Variants in NUMB observed in about 807,000 individuals in gnomAD.
The protein encoded by NUMB is NUMB endocytic adaptor protein.
Under a neutral mutation model 59.7 loss-of-function variants are expected in NUMB, and 29 were observed. The ratio of observed to expected loss-of-function variants is 0.49; its 90% confidence interval spans 0.36 to 0.66. The LOEUF is 0.66. Ranked by LOEUF, NUMB falls within the 30% of genes least tolerant of loss-of-function variation. The pLI is 0.00. For synonymous variants in NUMB, 288 were observed against 288.2 expected, an observed-to-expected ratio of 1.00 and a Z score of 0.01; for missense variants, 723 against 822.0, an observed-to-expected ratio of 0.88 and a Z score of 1.47.
chr14:73,388,692 G>A (rs1454982972), intron 2 of NUMB, among the ~76,000 whole-genome samples: 4 of 152,184 alleles, frequency 2.6e-5, no homozygotes, highest in African/African-American at 9.7e-5. Context: ...GCTGAGTGCG[G>A]TAGCTCACGC....
intron 4 of NUMB, among the ~76,000 whole-genome samples, chr14:73,333,603 A>C (rs1361895181): frequency 6.6e-6 from 1 of 151,900 alleles, no homozygotes; most frequent in Non-Finnish European, 1.5e-5. Context: ...TTGAGATATA[A>C]AGGTTCTTTA....
chr14:73,382,244 T>C (rs956827587), intron 2 of NUMB, among the ~76,000 whole-genome samples: 1 of 152,190 alleles, frequency 6.6e-6, no homozygotes, highest in African/African-American at 2.4e-5. Context: ...CCTCCTGGGT[T>C]CGAGTGATTC....
Position 73,350,156 on chromosome 14 carries a change from A to G in NUMB, c.126+5470T>C, listed in dbSNP as rs571616153. On this transcript the variant is annotated intron_variant, in intron 4 of 12. Coordinates refer to ENST00000555238, the MANE Select transcript of NUMB (RefSeq NM_001005743.2). ...AATGATCATCATCTCTGCTCAGGGC[A>G]ATATGAAACTAGGTGTCTTTTTTTT... Among the ~76,000 whole-genome samples the G allele has an allele frequency of 4.0e-5, 6 of 151,112 alleles. No homozygotes were observed. In the South Asian group the frequency reaches 1.3e-3, roughly 32 times the overall value.
chr14:73,327,263 T>C (rs1006149711), intron 4 of NUMB, among the ~76,000 whole-genome samples: 6 of 152,214 alleles, frequency 3.9e-5, no homozygotes, highest in Non-Finnish European at 7.3e-5. Context: ...AAGAGAATTA[T>C]TATTATTTTT....
chr14:73,358,306 T>A (rs921248474), intron 3 of NUMB, among the ~76,000 whole-genome samples: 1 of 152,148 alleles, frequency 6.6e-6, no homozygotes, highest in Non-Finnish European at 1.5e-5. Context: ...TGACCATGTA[T>A]CCACTCTGTT....
intron 2 of NUMB, among the ~76,000 whole-genome samples, chr14:73,394,193 G>C (rs765990683): frequency 6.6e-6 from 1 of 152,140 alleles, no homozygotes; most frequent in African/African-American, 2.4e-5. Flanking sequence ...GACCTCAGGT[G>C]ATCAACCCAC....
intron 3 of NUMB, among the ~76,000 whole-genome samples, chr14:73,359,400 T>C (rs1049826065): frequency 6.6e-6 from 1 of 152,158 alleles, no homozygotes; most frequent in Non-Finnish European, 1.5e-5. Flanking sequence ...AAAATACATA[T>C]AGCCATCACC....
intron 2 of NUMB, among the ~76,000 whole-genome samples, chr14:73,387,742 AAAAC>A (rs1407428034): frequency 6.7e-6 from 1 of 149,998 alleles, no homozygotes; most frequent in Non-Finnish European, 1.5e-5. Flanking sequence ...CAAAAAAAAA[AAAAC>A]AAAAACAAAC....
chr14:73,417,151 C>A (rs1387267961), intron 1 of NUMB, among the ~76,000 whole-genome samples: 3 of 151,958 alleles, frequency 2.0e-5, no homozygotes, highest in Admixed American at 2.0e-4. Context: ...GAGCCACTTC[C>A]ATCACTCAAT....
intron 1 of NUMB, among the ~76,000 whole-genome samples, chr14:73,417,849 G>C (rs762138566): frequency 4.6e-5 from 7 of 152,232 alleles, no homozygotes; most frequent in African/African-American, 7.2e-5. Flanking sequence ...GCTCATGCCT[G>C]TAATCCCAGA....
chr14:73,384,889 A>ATT (rs143582593), intron 2 of NUMB, among the ~76,000 whole-genome samples: 5,821 of 114,374 alleles, frequency 0.051, 368 homozygotes, highest in East Asian at 0.35. Context: ...AATAACTGTA[A>ATT]TTTTTTTTTT....
intron 2 of NUMB, among the ~76,000 whole-genome samples, chr14:73,392,949 AAT>A (rs1473728411): frequency 1.3e-5 from 2 of 152,146 alleles, no homozygotes; most frequent in Non-Finnish European, 2.9e-5. Flanking sequence ...GGCAAAATTT[AAT>A]AGACATGTGC....
chr14:73,366,761 C>G (rs1894363978), intron 3 of NUMB, 136 bp downstream of exon 3: 1 of 152,140 alleles, frequency 6.6e-6, no homozygotes, highest in African/African-American at 2.4e-5. Flanking sequence ...CAAAAACACT[C>G]AGCATTAAAA....
At chr14:73,424,286 CCTGAAAGG>C (rs1897487246) in intron 1 of NUMB, among the ~76,000 whole-genome samples, 2 of 152,118 alleles carry the variant, frequency 1.3e-5, no homozygotes, top group Admixed American at 1.3e-4. Flanking sequence ...CTTCCTAATA[CCTGAAAGG>C]TTCTGGGTCA....
intron 2 of NUMB, among the ~76,000 whole-genome samples, chr14:73,367,731 C>T (rs149306272): frequency 0.02 from 2,987 of 147,612 alleles, 96 homozygotes; most frequent in African/African-American, 0.071. Flanking sequence ...GCTGTGATCA[C>T]GCCACTGCAC....
chr14:73,287,609 C>T (rs1253579763), intron 8 of NUMB, among the ~76,000 whole-genome samples: 1 of 152,094 alleles, frequency 6.6e-6, no homozygotes, highest in Non-Finnish European at 1.5e-5. Flanking sequence ...AACTCCTGGC[C>T]TCAAGTGGTC....
At chr14:73,432,790 T>A (rs934650040) in intron 1 of NUMB, among the ~76,000 whole-genome samples, 25 of 152,144 alleles carry the variant, frequency 1.6e-4, no homozygotes, top group Admixed American at 1.6e-3. Flanking sequence ...GCCTAGACCC[T>A]CTTTCAAGGA....
At chr14:73,296,584 G>A (rs751888599) in intron 7 of NUMB, among the ~76,000 whole-genome samples, 2 of 152,138 alleles carry the variant, frequency 1.3e-5, no homozygotes, top group Non-Finnish European at 2.9e-5. Flanking sequence ...TTTCCTGAAC[G>A]TTAAATAGTC....
intron 2 of NUMB, among the ~76,000 whole-genome samples, chr14:73,396,252 T>C (rs1427095993): frequency 6.6e-6 from 1 of 151,962 alleles, no homozygotes; most frequent in Non-Finnish European, 1.5e-5. Flanking sequence ...CTAGCCAGCC[T>C]GCCCCTCTAT....
Sources: gnomAD v4.1 joint callset for allele counts (sites outside exome capture counted in the v4.1 genomes callset) on GRCh38, gnomAD v4.1.1 for gene constraint, MANE v1.5 for transcripts, NCBI Gene and HGNC (gene_info 2026-07-23, HGNC 2026-07-21) for gene names.